LRFN5: variants seen among roughly 807,000 people sequenced by gnomAD.
LRFN5 encodes the protein leucine rich repeat and fibronectin type III domain containing 5, also known as leucine-rich repeat and fibronectin type-III domain-containing protein 5.
A neutral mutation model predicts 45.6 loss-of-function variants in LRFN5; 24 were observed. The observed-to-expected ratio is 0.53, with a 90% CI of 0.38 to 0.74. The LOEUF is 0.74. Ranked by LOEUF, LRFN5 falls within the 30% of genes least tolerant of loss-of-function variation. The probability of loss-of-function intolerance (pLI) is 0.00; values close to 1 mark genes in which losing one functional copy is unlikely to be tolerated. For synonymous variants in LRFN5, 340 were observed against 313.8 expected (o/e 1.08, Z -0.88); for missense variants, 776 against 861.5 (o/e 0.90, Z 1.24).
intron 1 of LRFN5, among the ~76,000 whole-genome samples, chr14:41,674,303 G>A (rs1881454609): frequency 7.6e-6 from 1 of 131,714 alleles, no homozygotes; most frequent in South Asian, 2.5e-4. Context: ...TCACCTCCCG[G>A]ACGGGGCGGC....
intron 2 of LRFN5, among the ~76,000 whole-genome samples, chr14:41,853,442 A>G (rs1241491988): frequency 6.6e-6 from 1 of 152,124 alleles, no homozygotes; most frequent in East Asian, 1.9e-4. Flanking sequence ...ATATTTGACT[A>G]TAGACTTACC....
intron 1 of LRFN5, among the ~76,000 whole-genome samples, chr14:41,748,114 A>G (rs995104213): frequency 1.3e-5 from 2 of 152,108 alleles, no homozygotes; most frequent in Admixed American, 1.3e-4. Context: ...GGAAAATAAG[A>G]TAGTTCCTCA....
At chr14:41,627,603 C>T (rs1174895274) in intron 1 of LRFN5, among the ~76,000 whole-genome samples, 1 of 152,026 alleles carries the variant, frequency 6.6e-6, no homozygotes, top group Non-Finnish European at 1.5e-5. Flanking sequence ...ATTTCCATTC[C>T]ACTTTTCCAT....
chr14:41,764,461 C>A (rs1885797222), intron 1 of LRFN5, among the ~76,000 whole-genome samples: 1 of 151,848 alleles, frequency 6.6e-6, no homozygotes, highest in Non-Finnish European at 1.5e-5. Flanking sequence ...AGTAATGTGA[C>A]CATATAGACA....
intron 1 of LRFN5, among the ~76,000 whole-genome samples, chr14:41,750,698 A>C (rs976688545): frequency 1.3e-5 from 2 of 152,152 alleles, no homozygotes; most frequent in African/African-American, 4.8e-5. Context: ...AGGAAGTTTA[A>C]TTGACAGAGT....
intron 1 of LRFN5, among the ~76,000 whole-genome samples, chr14:41,622,007 GC>G (rs1282091461): frequency 6.6e-6 from 1 of 152,060 alleles, no homozygotes; most frequent in Non-Finnish European, 1.5e-5. Context: ...ATTCTTTTCA[GC>G]CCTAGTTGTT....
chr14:41,692,832 C>T (rs1262386567), intron 1 of LRFN5, among the ~76,000 whole-genome samples: 1 of 151,836 alleles, frequency 6.6e-6, no homozygotes, highest in African/African-American at 2.4e-5. Flanking sequence ...CAAAGCTCTT[C>T]AATTTTTTTT....
chr14:41,837,194 CAAAAAAAAAAAAA>C (rs5808157), intron 2 of LRFN5, among the ~76,000 whole-genome samples: 1 of 75,406 alleles, frequency 1.3e-5, no homozygotes, highest in East Asian at 8.1e-4. Context: ...ACACACTCCA[CAAAAAAAAAAAAA>C]AAAAAAAAAA....
At chr14:41,810,591 G>A (rs1887704071) in intron 2 of LRFN5, among the ~76,000 whole-genome samples, 1 of 151,976 alleles carries the variant, frequency 6.6e-6, no homozygotes, top group Non-Finnish European at 1.5e-5. Flanking sequence ...CCATTAAAAA[G>A]AAAGATACAG....
intron 1 of LRFN5, among the ~76,000 whole-genome samples, chr14:41,711,340 A>G (rs78700479): frequency 0.011 from 1,709 of 152,272 alleles, 11 homozygotes; most frequent in Non-Finnish European, 0.018. Flanking sequence ...ATTTTGTTTG[A>G]TGGGTACATG....
At chr14:41,804,437 G>A (rs554392134) in intron 2 of LRFN5, among the ~76,000 whole-genome samples, 2 of 152,188 alleles carry the variant, frequency 1.3e-5, no homozygotes, top group South Asian at 4.2e-4. Context: ...CTACAATAGT[G>A]ATATTACCTG....
At position 41,819,273 on chromosome 14, in the gene LRFN5, G is replaced by C. The variant is rs1017370549; in HGVS notation, c.-21+52244G>C. Among the ~76,000 whole-genome samples, 17 of 152,068 alleles carry C rather than the reference G, an allele frequency of 1.1e-4. 1 individual carries two copies. The highest frequency in any genetic ancestry group is 3.6e-4 in the African/African-American group (15 of 41,418). On this transcript the variant is annotated intron_variant, in intron 2 of 5. Coordinates refer to ENST00000298119, the MANE Select transcript of LRFN5 (RefSeq NM_152447.5). ...AGTGGGATTGTTGGATCAAATGGTA[G>C]TTCCATTTTTAGCTGTTTGAGAAAT... is the stretch of plus-strand genomic sequence containing the variant.
At chr14:41,687,030 AAAGT>A (rs1194129973) in intron 1 of LRFN5, among the ~76,000 whole-genome samples, 2 of 152,198 alleles carry the variant, frequency 1.3e-5, no homozygotes, top group African/African-American at 4.8e-5. Flanking sequence ...TTTCAGAAGG[AAAGT>A]TACCAGCACA....
chr14:41,661,453 G>T (rs2138638961), intron 1 of LRFN5, among the ~76,000 whole-genome samples: 1 of 152,032 alleles, frequency 6.6e-6, no homozygotes, highest in East Asian at 1.9e-4. Context: ...GTGGTTCAAG[G>T]CCTACATTTT....
chr14:41,659,649 C>G (rs1047373005), intron 1 of LRFN5, among the ~76,000 whole-genome samples: 8 of 152,148 alleles, frequency 5.3e-5, no homozygotes, highest in African/African-American at 1.2e-4. Flanking sequence ...AATGTTTGAA[C>G]TAACTTACAC....
intron 1 of LRFN5, among the ~76,000 whole-genome samples, chr14:41,735,391 C>T (rs1207336550): frequency 6.6e-6 from 1 of 152,134 alleles, no homozygotes; most frequent in Non-Finnish European, 1.5e-5. Flanking sequence ...CCTCAGCCTG[C>T]TGACTAGCTG....
At chr14:41,733,062 A>G (rs1884250299) in intron 1 of LRFN5, among the ~76,000 whole-genome samples, 1 of 151,990 alleles carries the variant, frequency 6.6e-6, no homozygotes, top group East Asian at 1.9e-4. Context: ...AAAAAAAAAA[A>G]ACAGATTGAA....
intron 1 of LRFN5, among the ~76,000 whole-genome samples, chr14:41,659,810 G>C (rs1442715245): frequency 6.6e-6 from 1 of 151,550 alleles, no homozygotes; most frequent in African/African-American, 2.4e-5. Flanking sequence ...CAATGATGAT[G>C]AGCTTTTTTT....
At chr14:41,627,479 T>C (rs1888374397) in intron 1 of LRFN5, among the ~76,000 whole-genome samples, 1 of 152,148 alleles carries the variant, frequency 6.6e-6, no homozygotes, top group Admixed American at 6.5e-5. Context: ...TTTCCTTTTG[T>C]CAAGTGGTTT....
Sources: gnomAD v4.1 joint callset for allele counts (sites outside exome capture counted in the v4.1 genomes callset) on GRCh38, gnomAD v4.1.1 for gene constraint, MANE v1.5 for transcripts, NCBI Gene and HGNC (gene_info 2026-07-23, HGNC 2026-07-21) for gene names.